The following CCDC40 variants were observed in gnomAD, a reference collection of about 807,000 sequenced individuals.
CCDC40 encodes coiled-coil domain-containing protein 40.
In CCDC40, 104 loss-of-function variants were observed where a neutral mutation model predicts 124.5. That is an observed-to-expected ratio of 0.84 (90% CI 0.71 to 0.98). The LOEUF (loss-of-function observed/expected upper bound fraction) is 0.98. Ranked by LOEUF, CCDC40 falls within the 50% of genes least tolerant of loss-of-function variation. The probability of loss-of-function intolerance (pLI) is 0.00; values close to 1 mark genes in which losing one functional copy is unlikely to be tolerated. For missense variants in CCDC40, 1,463 were observed against 1,503.9 expected (o/e 0.97, Z 0.45); for synonymous variants, 580 against 602.9 (o/e 0.96, Z 0.56).
At position 80,071,371 on chromosome 17, in the gene CCDC40, C is replaced by T. The variant is rs544784843; in HGVS notation, c.1562+5765C>T. Among the ~76,000 whole-genome samples the T allele has an allele frequency of 4.6e-5, 7 of 152,322 alleles. No homozygotes were observed. In the South Asian group the frequency reaches 8.3e-4, roughly 18 times the overall value. On this transcript the variant is annotated intron_variant, in intron 10 of 19. Coordinates refer to ENST00000397545, the MANE Select transcript of CCDC40 (RefSeq NM_017950.4). ...CCTCCCAGGCCCTCAGCTGTGGCCA[C>T]GGCAGCCAGGCAGGCCGACCCAAGG... is the stretch of plus-strand genomic sequence containing the variant.
chr17:80,072,920 C>T (rs1187846967), intron 10 of CCDC40, among the ~76,000 whole-genome samples: 1 of 152,170 alleles, frequency 6.6e-6, no homozygotes, highest in Non-Finnish European at 1.5e-5. Flanking sequence ...TTCCGTTTCT[C>T]CCGGGTAAAT....
Position 80,100,340 on chromosome 17 carries a change from A to G in CCDC40, c.*565A>G, listed in dbSNP as rs960226185. ...CCCCATTTGAGTTAAATTCAGATCC[A>G]CAGCTTGCAGGAGAAAGTCAGTGGC... On this transcript the variant is annotated 3_prime_UTR_variant, in exon 20 of 20. Coordinates refer to ENST00000397545, the MANE Select transcript of CCDC40 (RefSeq NM_017950.4). 3.0e-5 allele frequency: 5 copies of G among 167,646 alleles called. No homozygotes were observed. In the South Asian group the frequency reaches 4.2e-4, roughly 14 times the overall value. The allele number at this position is 167,646 out of a possible 1,614,324, so 10.4% of individuals were successfully genotyped here.
At chr17:80,063,790 G>A (rs770789299) in intron 9 of CCDC40, among the ~76,000 whole-genome samples, 4 of 152,172 alleles carry the variant, frequency 2.6e-5, no homozygotes. Context: ...ATGAGCCGCC[G>A]CACCTGGCCC....
chr17:80,094,257 A>AAG (rs1047984076), intron 17 of CCDC40, among the ~76,000 whole-genome samples: 20 of 151,576 alleles, frequency 1.3e-4, no homozygotes, highest in South Asian at 1.3e-3. Flanking sequence ...GAAAAAAAAA[A>AAG]AAAAAATAGC....
At chr17:80,053,260 C>T (rs1289277463) in intron 7 of CCDC40, among the ~76,000 whole-genome samples, 2 of 152,244 alleles carry the variant, frequency 1.3e-5, no homozygotes, top group South Asian at 2.1e-4. Flanking sequence ...CCAAATACCA[C>T]GGCAAAAGAA....
At position 80,095,248 on chromosome 17, in the gene CCDC40, T is replaced by C; in HGVS notation, c.2833-15T>C. ...AGGCCTGCCCCAGCCCCAGCCCCTC[T>C]GTCCTGTCTCCCAGGTCAGGCTCGG... On this transcript the variant is annotated splice_polypyrimidine_tract_variant and intron_variant, in intron 17 of 19. Coordinates refer to ENST00000397545, the MANE Select transcript of CCDC40 (RefSeq NM_017950.4). 1 of 1,613,266 alleles carries C rather than the reference T, an allele frequency of 6.2e-7. No individual in the cohort carries two copies.
Position 80,058,639 on chromosome 17 carries a change from G to A in CCDC40, c.1305G>A (p.Glu435=), listed in dbSNP as rs558483927. ...AETERIRAEI[E]KKKQDLYVDQ... ...CGGAGAGGATCCGGGCAGAAATCGA[G>A]AAGAAAAAGCAGGTATTCTGCAAAC... is the stretch of plus-strand genomic sequence containing the variant. Residue 435 remains glutamate (E), a synonymous_variant, in exon 8 of 20, where the codon GAG becomes GAA. Transcript: ENST00000397545. This position sits in a 1 kb window ranked among gnomAD's most constrained non-coding sequence, Gnocchi z 4.2. The A allele has an allele frequency of 6.8e-6, 11 of 1,614,208 alleles. No individual in the cohort carries two copies. Among genetic ancestry groups the A allele is most frequent in the East Asian group, 4.5e-5 (2 of 44,886 alleles).
intron 10 of CCDC40, chr17:80,067,424 G>A (rs368421223): frequency 2.9e-5 from 19 of 659,678 alleles, no homozygotes; most frequent in East Asian, 1.6e-4. Context: ...GCGTTCACCC[G>A]GAGTCTTCCT....
chr17:80,099,401 C>T lies in CCDC40; in HGVS notation c.3181-126C>T, dbSNP rs563708102. On this transcript the variant is annotated intron_variant, in intron 19 of 19. Coordinates refer to ENST00000397545, the MANE Select transcript of CCDC40 (RefSeq NM_017950.4). The stretch of plus-strand genomic sequence containing the variant: ...ATCCAGGGGCGCAACACCTTCACGC[C>T]GTCCCTTTTCAGGCGTAGGTCTCGC... The T allele has an allele frequency of 4.0e-3, 4,417 of 1,112,982 alleles. 14 individuals carry two copies. The highest frequency in any genetic ancestry group is 5.3e-3 in the Non-Finnish European group (3,931 of 744,216). The allele number at this position is 1,112,982 out of a possible 1,614,324, so 68.9% of individuals were successfully genotyped here.
In CCDC40 at chr17:80,084,811, C is replaced by T. The variant is rs1400516522; in HGVS notation, c.2058C>T (p.Ser686=). Residue 686 remains serine (S), a synonymous_variant, in exon 13 of 20, where the codon AGC becomes AGT. Coordinates refer to ENST00000397545, the MANE Select transcript of CCDC40 (RefSeq NM_017950.4). ...CCCTGGACATCACACACACCAGCAGCAGGCTGGACGCACACCAGAAGACCC... is the reference window on the plus strand; with the variant it reads ...CCCTGGACATCACACACACCAGCAGTAGGCTGGACGCACACCAGAAGACCC... ...QTTLDITHTS[S]RLDAHQKTLV... is the part of the protein sequence containing the mutation. 6.2e-7 allele frequency: 1 copy of T among 1,614,164 alleles called. No homozygotes were observed. Among genetic ancestry groups the T allele is most frequent in the South Asian group, 1.1e-5 (1 of 91,076 alleles).
intron 19 of CCDC40, among the ~76,000 whole-genome samples, chr17:80,098,660 C>T (rs554123810): frequency 2.0e-5 from 3 of 152,280 alleles, no homozygotes; most frequent in Non-Finnish European, 4.4e-5. Flanking sequence ...TTGCCTAAGC[C>T]GGGCACGGTG....
intron 3 of CCDC40, among the ~76,000 whole-genome samples, chr17:80,046,880 C>G (rs1001328884): frequency 1.3e-5 from 2 of 152,198 alleles, no homozygotes; most frequent in Non-Finnish European, 2.9e-5. Flanking sequence ...GGGTCTTGCT[C>G]TGTTGCCCAG....
intron 9 of CCDC40, among the ~76,000 whole-genome samples, chr17:80,064,081 C>T (rs778950896): frequency 4.7e-5 from 7 of 150,014 alleles, no homozygotes; most frequent in Non-Finnish European, 4.4e-5. Flanking sequence ...CCTAAGTAAG[C>T]GTCTGTGAGA....
At chr17:80,038,227 C>T in intron 2 of CCDC40, 41 bp downstream of exon 2, 1 of 1,341,452 alleles carries the variant, frequency 7.5e-7, no homozygotes, top group Non-Finnish European at 1.1e-6. Context: ...CTTATATTTA[C>T]TAGGAATTAA....
intron 13 of CCDC40, 140 bp downstream of exon 13, chr17:80,085,128 A>C: frequency 8.8e-7 from 1 of 1,136,762 alleles, no homozygotes; most frequent in Non-Finnish European, 1.3e-6. Flanking sequence ...TTTACAGACA[A>C]AATGGCACGT....
chr17:80,046,039 C>T (rs542884374), intron 3 of CCDC40, among the ~76,000 whole-genome samples: 3 of 152,196 alleles, frequency 2.0e-5, no homozygotes, highest in South Asian at 2.1e-4. Context: ...CTATGACACC[C>T]GTATTCCCAT....
chr17:80,081,954 G>A lies in CCDC40; in HGVS notation c.1885G>A (p.Asp629Asn). The A allele has an allele frequency of 1.2e-6, 2 of 1,613,912 alleles. No individual in the cohort carries two copies. Among genetic ancestry groups the A allele is most frequent in the Non-Finnish European group, 8.5e-7 (1 of 1,179,934 alleles). Residue 629 changes from aspartate (D) to asparagine (N), a missense_variant, in exon 12 of 20, where the codon GAT becomes AAT. Transcript: ENST00000397545. ...CGAGCTGGAGCTCAGGAGGAAGACG[G>A]ATGCTGCCATCCGGGAGAAGCTGCA... ...QGELELRRKTDAAIREKLQEH... is the reference protein window; with the variant it reads ...QGELELRRKTNAAIREKLQEH...
At position 80,058,973 on chromosome 17, in the gene CCDC40, T is replaced by C. The variant is rs769496805; in HGVS notation, c.1433T>C (p.Val478Ala). The C allele has an allele frequency of 6.2e-7, 1 of 1,614,082 alleles. No homozygotes were observed. The highest frequency in any genetic ancestry group is 8.5e-7 in the Non-Finnish European group (1 of 1,180,010). Residue 478 changes from valine to alanine, a missense_variant, in exon 9 of 20, where the codon GTG (valine) becomes GCG (alanine). By Grantham distance (64) the Val-to-Ala change is moderately conservative (BLOSUM62 0). Transcript: ENST00000397545. This position sits in a 1 kb window ranked among gnomAD's most constrained non-coding sequence, Gnocchi z 4.2. ...AEDTRILRKA[V>A]SEACTEIDAI... The stretch of plus-strand genomic sequence containing the variant: ...GACACCCGGATTTTAAGGAAAGCAG[T>C]GAGTGAGGTAAAAGCAGTCCCCGCA...
At position 80,081,746 on chromosome 17, in the gene CCDC40, T is replaced by C; in HGVS notation, c.1763T>C (p.Leu588Pro). 6.2e-7 allele frequency: 1 copy of C among 1,614,006 alleles called. No individual in the cohort carries two copies. The highest frequency in any genetic ancestry group is 1.1e-5 in the South Asian group (1 of 91,064). Residue 588 changes from leucine to proline, a missense_variant, in exon 11 of 20, where the codon CTC becomes CCC. Transcript: ENST00000397545. ...CAGAGCCAGTTCAATACCTACAGGCTCACCCTGCAGGACACAGAGGATGCC... is the reference window on the plus strand; with the variant it reads ...CAGAGCCAGTTCAATACCTACAGGCCCACCCTGCAGGACACAGAGGATGCC... The part of the protein sequence containing the change: ...ALQSQFNTYR[L>P]TLQDTEDALS...
Sources: allele counts gnomAD v4.1 joint callset (sites outside exome capture counted in the v4.1 genomes callset), GRCh38; gene constraint gnomAD v4.1.1; non-coding constraint Gnocchi (gnomAD v3.1); transcripts MANE v1.5; gene names NCBI Gene and HGNC (gene_info 2026-07-23, HGNC 2026-07-21).